CNTN5: variants seen among roughly 807,000 people sequenced by gnomAD.
CNTN5 encodes contactin-5.
In CNTN5, 77 loss-of-function variants were observed where a neutral mutation model predicts 129.1. The ratio of observed to expected loss-of-function variants is 0.60; its 90% confidence interval spans 0.50 to 0.72. CNTN5 has a LOEUF of 0.72. Among genes scored for constraint, CNTN5 ranks in the 30% least tolerant of loss-of-function variants. The pLI is 0.00. For synonymous variants in CNTN5, 509 were observed against 465.6 expected (o/e 1.09, Z -1.20); for missense variants, 1,478 against 1,328.8 (o/e 1.11, Z -1.75).
intron 2 of CNTN5, among the ~76,000 whole-genome samples, chr11:99,493,285 G>C (rs1022337928): frequency 2.6e-4 from 40 of 152,244 alleles, no homozygotes; most frequent in African/African-American, 9.6e-4. Flanking sequence ...TTAAGTCACA[G>C]TTTCAAAAGA....
intron 9 of CNTN5, among the ~76,000 whole-genome samples, chr11:100,051,770 C>T (rs560662535): frequency 1.8e-4 from 27 of 151,934 alleles, no homozygotes; most frequent in East Asian, 9.7e-4. Flanking sequence ...AACATCACTA[C>T]GTCTCTATCC....
chr11:100,322,859 C>T (rs1951721244), intron 21 of CNTN5, among the ~76,000 whole-genome samples: 1 of 152,040 alleles, frequency 6.6e-6, no homozygotes, highest in Non-Finnish European at 1.5e-5. Context: ...TTAAAAATAT[C>T]TGATATATAA....
intron 17 of CNTN5, among the ~76,000 whole-genome samples, chr11:100,258,626 C>CCAACGTT (rs1555051676): frequency 6.6e-6 from 1 of 151,660 alleles, no homozygotes; most frequent in Admixed American, 6.6e-5. Flanking sequence ...AGAGTGGGGG[C>CCAACGTT]CAACATTCAA....
intron 3 of CNTN5, among the ~76,000 whole-genome samples, chr11:99,565,585 G>A (rs1292921584): frequency 6.6e-6 from 1 of 152,036 alleles, no homozygotes; most frequent in Non-Finnish European, 1.5e-5. Flanking sequence ...ATTACCACTT[G>A]GTATTCAAAG....
chr11:99,518,149 A>G (rs1467589369), intron 2 of CNTN5, among the ~76,000 whole-genome samples: 1 of 152,044 alleles, frequency 6.6e-6, no homozygotes, highest in Non-Finnish European at 1.5e-5. Context: ...CCAGGTTTCA[A>G]ATTTCCAGTA....
At chr11:100,159,358 T>A (rs576476404) in intron 13 of CNTN5, among the ~76,000 whole-genome samples, 5 of 152,020 alleles carry the variant, frequency 3.3e-5, no homozygotes, top group African/African-American at 1.2e-4. Flanking sequence ...TTGGATATAA[T>A]GTTAAATTTG....
intron 1 of CNTN5, among the ~76,000 whole-genome samples, chr11:99,251,692 C>T (rs1395076222): frequency 5.3e-5 from 8 of 151,732 alleles, no homozygotes; most frequent in African/African-American, 7.3e-5. Context: ...TTTATGTGGA[C>T]GTACAAATAT....
At chr11:99,174,234 A>G (rs1857668548) in intron 1 of CNTN5, among the ~76,000 whole-genome samples, 1 of 152,052 alleles carries the variant, frequency 6.6e-6, no homozygotes, top group African/African-American at 2.4e-5. Flanking sequence ...TCTGACCTCA[A>G]GTGATCTGCT....
At chr11:99,135,088 A>G (rs1216927291) in intron 1 of CNTN5, among the ~76,000 whole-genome samples, 1 of 152,110 alleles carries the variant, frequency 6.6e-6, no homozygotes, top group Non-Finnish European at 1.5e-5. Context: ...AAGCTTAAAA[A>G]CCTCTTGTAT....
intron 6 of CNTN5, among the ~76,000 whole-genome samples, chr11:99,851,822 C>A (rs1947883253): frequency 6.6e-6 from 1 of 152,102 alleles, no homozygotes. Context: ...TTTAATTTAA[C>A]CTTTCATTTT....
intron 18 of CNTN5, among the ~76,000 whole-genome samples, chr11:100,295,013 G>C (rs1951073032): frequency 6.6e-6 from 1 of 151,594 alleles, no homozygotes; most frequent in African/African-American, 2.4e-5. Flanking sequence ...TGCGTGAGCT[G>C]CAGCTATTAC....
intron 2 of CNTN5, among the ~76,000 whole-genome samples, chr11:99,528,113 C>A (rs552795120): frequency 6.6e-6 from 1 of 152,216 alleles, no homozygotes; most frequent in African/African-American, 2.4e-5. Context: ...ACACTAAATT[C>A]AGGAGAACTA....
intron 6 of CNTN5, among the ~76,000 whole-genome samples, chr11:99,876,384 C>A (rs1474262202): frequency 6.6e-6 from 1 of 152,098 alleles, no homozygotes; most frequent in African/African-American, 2.4e-5. Context: ...TAGTCTTGAT[C>A]CCAGGCTCCC....
intron 6 of CNTN5, among the ~76,000 whole-genome samples, chr11:99,884,840 G>A (rs1277129103): frequency 1.3e-5 from 2 of 152,154 alleles, no homozygotes; most frequent in African/African-American, 4.8e-5. Flanking sequence ...AGCTGGGTGT[G>A]ATGGCATGTG....
At chr11:99,868,995 G>A (rs1003541338) in intron 6 of CNTN5, among the ~76,000 whole-genome samples, 1 of 152,140 alleles carries the variant, frequency 6.6e-6, no homozygotes, top group Admixed American at 6.6e-5. Context: ...GGAACGTTCA[G>A]ACCCAAGCTC....
intron 1 of CNTN5, among the ~76,000 whole-genome samples, chr11:99,278,165 T>G (rs1389291817): frequency 6.6e-6 from 1 of 151,644 alleles, no homozygotes; most frequent in Non-Finnish European, 1.5e-5. Flanking sequence ...AACGAGAATC[T>G]GTTGTAACAT....
At chr11:100,342,141 G>A (rs893122967) in intron 23 of CNTN5, among the ~76,000 whole-genome samples, 1 of 100,214 alleles carries the variant, frequency 1.0e-5, no homozygotes, top group Non-Finnish European at 1.9e-5. Context: ...CTGTAATTAG[G>A]ATAGATCACA....
chr11:100,014,822 C>T (rs1332764506), intron 9 of CNTN5, among the ~76,000 whole-genome samples: 2 of 151,974 alleles, frequency 1.3e-5, no homozygotes, highest in African/African-American at 4.8e-5. Flanking sequence ...CTTAATTTAG[C>T]CTATTTGATG....
At chr11:100,066,653 A>C (rs958479617) in intron 10 of CNTN5, among the ~76,000 whole-genome samples, 1 of 152,058 alleles carries the variant, frequency 6.6e-6, no homozygotes, top group Non-Finnish European at 1.5e-5. Flanking sequence ...AGGTGGCTTG[A>C]CAAAAGCTAG....
Sources: gnomAD v4.1 joint callset for allele counts (sites outside exome capture counted in the v4.1 genomes callset) on GRCh38, gnomAD v4.1.1 for gene constraint, MANE v1.5 for transcripts, NCBI Gene and HGNC (gene_info 2026-07-23, HGNC 2026-07-21) for gene names.